Variants in LUZP2 observed in about 807,000 individuals in gnomAD.
The protein encoded by LUZP2 is leucine zipper protein 2.
Under a neutral mutation model 51.6 loss-of-function variants are expected in LUZP2, and 52 were observed. That is an observed-to-expected ratio of 1.01 (90% CI 0.81 to 1.27). The LOEUF (loss-of-function observed/expected upper bound fraction) is 1.27, where lower values mean the gene tolerates loss of function less well. Ranked by LOEUF, LUZP2 falls within the 50% of genes most tolerant of loss-of-function variation. LUZP2 has a pLI of 0.00. For synonymous variants in LUZP2, 154 were observed against 137.3 expected, an observed-to-expected ratio of 1.12 and a Z score of -0.85; for missense variants, 436 against 395.4, an observed-to-expected ratio of 1.10 and a Z score of -0.87.
chr11:24,898,613 ACT>A (rs951245417), intron 5 of LUZP2, among the ~76,000 whole-genome samples: 3 of 146,732 alleles, frequency 2.0e-5, no homozygotes, highest in Non-Finnish European at 3.0e-5. Flanking sequence ...ACAGAGCAAG[ACT>A]CTGTGTCAGG....
chr11:24,681,066 C>T (rs1007511525), intron 1 of LUZP2, among the ~76,000 whole-genome samples: 35 of 151,912 alleles, frequency 2.3e-4, no homozygotes, highest in African/African-American at 8.2e-4. Context: ...ACTGCAAGCT[C>T]CGCTTCCCGG....
chr11:24,773,407 C>T (rs888027250), intron 5 of LUZP2, among the ~76,000 whole-genome samples: 3 of 152,084 alleles, frequency 2.0e-5, no homozygotes, highest in African/African-American at 4.8e-5. Context: ...GAATAGCAAA[C>T]GTTAAGTAGC....
rs570616833 is a variant in LUZP2, at chr11:24,643,254, CAAAAA to C, written c.63-85896_63-85892del. Among the ~76,000 whole-genome samples the C allele has an allele frequency of 7.9e-3, 599 of 75,722 alleles. 2 individuals are homozygous for C. Among genetic ancestry groups the C allele is most frequent in the East Asian group, 0.016 (47 of 3,030 alleles). The allele number at this position is 75,722 out of a possible 152,430, so 49.7% of individuals were successfully genotyped here. A position where few individuals can be genotyped will look rare whatever the true frequency, so the allele number is the denominator to read the frequency against. On this transcript the variant is annotated intron_variant, in intron 1 of 11. Transcript: ENST00000336930. ...TGAAACCTCGTCTGTACTAAAAGTA[CAAAAA>C]AAAAAAAAAAAAAAAAAATTAGCTG...
chr11:24,687,211 A>C (rs1311641356), intron 1 of LUZP2, among the ~76,000 whole-genome samples: 1 of 150,030 alleles, frequency 6.7e-6, no homozygotes, highest in Admixed American at 6.8e-5. Context: ...ATATGCATAA[A>C]ATGATCATTG....
At chr11:25,042,130 T>G (rs1236016433) in intron 9 of LUZP2, among the ~76,000 whole-genome samples, 2 of 152,124 alleles carry the variant, frequency 1.3e-5, no homozygotes, top group Non-Finnish European at 2.9e-5. Context: ...TTGTTAAAAT[T>G]TCCTCATGTT....
At chr11:24,853,874 C>T (rs1366282167) in intron 5 of LUZP2, among the ~76,000 whole-genome samples, 2 of 152,072 alleles carry the variant, frequency 1.3e-5, no homozygotes, top group African/African-American at 2.4e-5. Context: ...TCTAACAGGC[C>T]CCTCAGCTAC....
At chr11:24,740,851 C>G (rs1210591297) in intron 4 of LUZP2, among the ~76,000 whole-genome samples, 1 of 152,004 alleles carries the variant, frequency 6.6e-6, no homozygotes, top group Non-Finnish European at 1.5e-5. Context: ...GTCAATGGTA[C>G]TAATGTAACA....
At chr11:24,696,808 T>C (rs1156358686) in intron 1 of LUZP2, among the ~76,000 whole-genome samples, 1 of 151,706 alleles carries the variant, frequency 6.6e-6, no homozygotes, top group South Asian at 2.1e-4. Context: ...AACAGAATCT[T>C]AAGAAAAAAA....
At chr11:24,996,685 T>G (rs1856513657) in intron 9 of LUZP2, among the ~76,000 whole-genome samples, 1 of 151,680 alleles carries the variant, frequency 6.6e-6, no homozygotes, top group Non-Finnish European at 1.5e-5. Flanking sequence ...TAGTTACATA[T>G]GTATACATGT....
chr11:24,581,895 T>G (rs1852869704), intron 1 of LUZP2, among the ~76,000 whole-genome samples: 2 of 152,098 alleles, frequency 1.3e-5, no homozygotes, highest in Non-Finnish European at 2.9e-5. Context: ...CGTTCCCTGA[T>G]AGTCATCAGG....
At chr11:24,638,104 G>A (rs1855165397) in intron 1 of LUZP2, among the ~76,000 whole-genome samples, 1 of 151,672 alleles carries the variant, frequency 6.6e-6, no homozygotes, top group Non-Finnish European at 1.5e-5. Context: ...GAAATGTTGG[G>A]GGCTGGTTCC....
At chr11:24,573,353 G>A (rs767986434) in intron 1 of LUZP2, among the ~76,000 whole-genome samples, 6 of 151,922 alleles carry the variant, frequency 3.9e-5, no homozygotes, top group Non-Finnish European at 7.4e-5. Context: ...TTCCAGCTTT[G>A]CAAATTACTA....
chr11:25,069,632 G>A (rs7117479), intron 10 of LUZP2, among the ~76,000 whole-genome samples: 147,418 of 151,800 alleles, frequency 0.97, 71,723 homozygotes, highest in East Asian at 1. Flanking sequence ...TCTGAAAAAA[G>A]TTAACAAAAG....
At chr11:24,585,768 G>A (rs572589933) in intron 1 of LUZP2, among the ~76,000 whole-genome samples, 3 of 152,024 alleles carry the variant, frequency 2.0e-5, no homozygotes, top group Non-Finnish European at 4.4e-5. Flanking sequence ...TGAATGAGCC[G>A]CTTTCAGACA....
intron 5 of LUZP2, among the ~76,000 whole-genome samples, chr11:24,898,103 T>G (rs1853143010): frequency 6.6e-6 from 1 of 152,200 alleles, no homozygotes; most frequent in Non-Finnish European, 1.5e-5. Context: ...CTGGAATGTA[T>G]TTTCAAAATT....
chr11:24,955,112 T>C (rs979384852), intron 7 of LUZP2, among the ~76,000 whole-genome samples: 3 of 152,016 alleles, frequency 2.0e-5, no homozygotes, highest in Non-Finnish European at 4.4e-5. Context: ...CTTACACCCG[T>C]AAAGATGGAG....
chr11:24,997,675 T>C (rs920268225), intron 9 of LUZP2, among the ~76,000 whole-genome samples: 12 of 152,090 alleles, frequency 7.9e-5, no homozygotes, highest in African/African-American at 2.9e-4. Flanking sequence ...TTTGGTGTTT[T>C]AGACATGAAG....
In LUZP2 at chr11:25,055,425, A is replaced by G. The variant is rs546144830; in HGVS notation, c.858+5295A>G. Among the ~76,000 whole-genome samples, 12 of 152,066 alleles carry G rather than the reference A, an allele frequency of 7.9e-5. No individual in the cohort carries two copies. In the East Asian group the frequency reaches 2.3e-3, roughly 29 times the overall value. ...ACTTTTCTCTTTTTCATAGTATTGC[A>G]AATGTAGTATTTTAATTGCATTTCC... On this transcript the variant is annotated intron_variant, in intron 10 of 11. Coordinates refer to ENST00000336930, the MANE Select transcript of LUZP2 (RefSeq NM_001009909.4).
intron 5 of LUZP2, chr11:24,891,147 T>C (rs1384833115): frequency 6.3e-5 from 62 of 984,790 alleles, no homozygotes; most frequent in Middle Eastern, 5.2e-4. Flanking sequence ...TCCCCTAAAA[T>C]TGACAAAAGT....
Sources: gnomAD v4.1 joint callset for allele counts (sites outside exome capture counted in the v4.1 genomes callset) on GRCh38, gnomAD v4.1.1 for gene constraint, MANE v1.5 for transcripts, NCBI Gene and HGNC (gene_info 2026-07-23, HGNC 2026-07-21) for gene names.